The following MAF variants were observed in gnomAD, a reference collection of about 807,000 sequenced individuals.
MAF encodes the protein transcription factor Maf.
A neutral mutation model predicts 22.0 loss-of-function variants in MAF; 10 were observed. The observed-to-expected ratio is 0.45, with a 90% confidence interval of 0.28 to 0.77. The LOEUF is 0.77. Ranked by LOEUF, MAF falls within the 30% of genes least tolerant of loss-of-function variation. The pLI is 0.12. For missense variants in MAF, 544 were observed against 548.4 expected (o/e 0.99, Z 0.08); for synonymous variants, 337 against 255.8 (o/e 1.32, Z -3.03).
the MAF span, among the ~76,000 whole-genome samples, chr16:79,518,609 A>G: frequency 9.2e-5 from 14 of 152,244 alleles, no homozygotes; most frequent in African/African-American, 3.1e-4. Context: ...CAGTTTCCAC[A>G]TCTGTGAAAT....
chr16:79,508,328 G>A, the MAF span, among the ~76,000 whole-genome samples: 1 of 152,186 alleles, frequency 6.6e-6, no homozygotes, highest in African/African-American at 2.4e-5. Context: ...GAGGTAGGCA[G>A]CAGAGTGAAA....
chr16:79,332,378 G>A, the MAF span, among the ~76,000 whole-genome samples: 301 of 152,076 alleles, frequency 2.0e-3, 7 homozygotes, highest in East Asian at 0.055. Flanking sequence ...ACATCTCACC[G>A]CAAACTCCAC....
chr16:79,289,867 T>TTTTTTTTTTTTTTTTTTC, the MAF span, among the ~76,000 whole-genome samples: 5 of 118,510 alleles, frequency 4.2e-5, no homozygotes, highest in Middle Eastern at 4.7e-3. Flanking sequence ...TTTTTTTTTT[T>TTTTTTTTTTTTTTTTTTC]TGTGAGACGG....
chr16:79,591,612 G>T (rs1913194532), downstream of MAF, among the ~76,000 whole-genome samples: 2 of 152,190 alleles, frequency 1.3e-5, no homozygotes, highest in African/African-American at 2.4e-5. Flanking sequence ...TGTGTTTTAT[G>T]AGTTTCTTAA....
At chr16:79,327,015 G>T in the MAF span, among the ~76,000 whole-genome samples, 1 of 152,234 alleles carries the variant, frequency 6.6e-6, no homozygotes, top group Non-Finnish European at 1.5e-5. Flanking sequence ...TGTGGGGTTT[G>T]GACCCCGGCA....
chr16:79,302,012 T>A, the MAF span, among the ~76,000 whole-genome samples: 3 of 152,220 alleles, frequency 2.0e-5, no homozygotes, highest in African/African-American at 7.2e-5. Context: ...TCACCGCCTC[T>A]CACAGATAGG....
At chr16:79,252,078 A>G in the MAF span, among the ~76,000 whole-genome samples, 753 of 152,362 alleles carry the variant, frequency 4.9e-3, 7 homozygotes, top group African/African-American at 0.017. Flanking sequence ...AAACCTAACA[A>G]TATTAGAAAG....
the MAF span, among the ~76,000 whole-genome samples, chr16:79,437,269 A>T: frequency 2.6e-5 from 4 of 152,008 alleles, no homozygotes; most frequent in African/African-American, 9.7e-5. Context: ...CTTGTGTTGC[A>T]ATCCTAGCTC....
chr16:79,340,658 C>T, the MAF span, among the ~76,000 whole-genome samples: 1 of 151,864 alleles, frequency 6.6e-6, no homozygotes, highest in Non-Finnish European at 1.5e-5. Flanking sequence ...GGATCTCTAC[C>T]TGGAAAGTGA....
the MAF span, among the ~76,000 whole-genome samples, chr16:79,207,121 A>G: frequency 6.6e-6 from 1 of 152,120 alleles, no homozygotes; most frequent in Admixed American, 6.5e-5. Flanking sequence ...ACGGCCATCT[A>G]TTCCACCTGT....
the MAF span, among the ~76,000 whole-genome samples, chr16:79,564,752 G>A: frequency 5.8e-3 from 889 of 152,286 alleles, 4 homozygotes; most frequent in African/African-American, 0.019. Context: ...GAGCATGTGT[G>A]GGGTGAACCT....
the MAF span, among the ~76,000 whole-genome samples, chr16:79,349,367 T>C: frequency 6.6e-6 from 1 of 152,206 alleles, no homozygotes; most frequent in Non-Finnish European, 1.5e-5. Flanking sequence ...TCCTTTCTAT[T>C]TGTGGAGGAC....
At chr16:79,483,459 C>T in the MAF span, among the ~76,000 whole-genome samples, 5 of 150,640 alleles carry the variant, frequency 3.3e-5, no homozygotes, top group African/African-American at 1.2e-4. Context: ...ATTGTCCATG[C>T]TGGCATGGAG....
chr16:79,257,876 A>G, the MAF span, among the ~76,000 whole-genome samples: 1 of 152,198 alleles, frequency 6.6e-6, no homozygotes, highest in Non-Finnish European at 1.5e-5. Context: ...AGGCATAGAG[A>G]TGTGTATAAC....
downstream of MAF, among the ~76,000 whole-genome samples, chr16:79,581,266 C>G (rs1373670743): frequency 1.3e-5 from 2 of 152,160 alleles, no homozygotes; most frequent in Non-Finnish European, 2.9e-5. Flanking sequence ...GCTTTCTCCC[C>G]CATTTCCTGT....
chr16:79,456,582 G>C, the MAF span, among the ~76,000 whole-genome samples: 4,800 of 152,242 alleles, frequency 0.032, 74 homozygotes, highest in Middle Eastern at 0.044. Flanking sequence ...CAGAGTATGG[G>C]AGAAGGATGA....
the MAF span, among the ~76,000 whole-genome samples, chr16:79,209,796 C>A: frequency 2.1e-3 from 314 of 152,216 alleles, no homozygotes; most frequent in African/African-American, 7.4e-3. Flanking sequence ...TGCAGAAGAG[C>A]CAGATAAACC....
the MAF span, among the ~76,000 whole-genome samples, chr16:79,517,097 T>A: frequency 6.6e-6 from 1 of 152,166 alleles, no homozygotes; most frequent in African/African-American, 2.4e-5. Context: ...CTATCTGGCA[T>A]CAGCTGGTAC....
the MAF span, among the ~76,000 whole-genome samples, chr16:79,476,144 C>G: frequency 2.0e-5 from 3 of 152,114 alleles, no homozygotes; most frequent in African/African-American, 7.2e-5. Context: ...AATTAAGCCT[C>G]CATGAGTTTT....
Sources: gnomAD v4.1 joint callset for allele counts (sites outside exome capture counted in the v4.1 genomes callset) on GRCh38, gnomAD v4.1.1 for gene constraint, MANE v1.5 for transcripts, NCBI Gene and HGNC (gene_info 2026-07-23, HGNC 2026-07-21) for gene names.